Variants in MNAT1 observed in about 807,000 individuals in gnomAD.
The protein encoded by MNAT1 is MNAT1 component of CDK activating kinase.
MNAT1 carries 43 observed loss-of-function variants against 42.0 expected under a neutral mutation model. That is an observed-to-expected ratio of 1.02 (90% confidence interval 0.80 to 1.32). The LOEUF is 1.32. Ranked by LOEUF, MNAT1 falls within the 40% of genes most tolerant of loss-of-function variation. MNAT1 has a pLI of 0.00. For synonymous variants in MNAT1, 118 were observed against 120.0 expected (o/e 0.98, Z 0.11); for missense variants, 306 against 350.4 (o/e 0.87, Z 1.01).
intron 6 of MNAT1, among the ~76,000 whole-genome samples, chr14:60,869,130 C>A (rs1202553338): frequency 1.3e-5 from 2 of 149,328 alleles, no homozygotes; most frequent in African/African-American, 2.5e-5. Flanking sequence ...CCTCCACCTC[C>A]CGGGTTCAAG....
chr14:60,868,474 A>G (rs1260355450), intron 6 of MNAT1, among the ~76,000 whole-genome samples: 1 of 152,200 alleles, frequency 6.6e-6, no homozygotes, highest in Non-Finnish European at 1.5e-5. Context: ...AATTTGACAG[A>G]TTTAACATTG....
chr14:60,738,264 T>C (rs888845722), intron 1 of MNAT1, among the ~76,000 whole-genome samples: 15 of 148,652 alleles, frequency 1.0e-4, no homozygotes, highest in Non-Finnish European at 1.6e-4. Flanking sequence ...TTTTTTTTTT[T>C]TTTTTTTTTG....
intron 7 of MNAT1, among the ~76,000 whole-genome samples, chr14:60,931,904 G>A (rs971008212): frequency 2.6e-5 from 4 of 151,626 alleles, no homozygotes; most frequent in African/African-American, 7.3e-5. Flanking sequence ...TAGATACTGA[G>A]CCTACTTTTT....
At chr14:60,819,163 G>A (rs2032806456) in intron 6 of MNAT1, among the ~76,000 whole-genome samples, 1 of 152,042 alleles carries the variant, frequency 6.6e-6, no homozygotes. Flanking sequence ...CTGCAGATAT[G>A]AAATGGGAAA....
At chr14:60,865,291 C>G (rs986247414) in intron 6 of MNAT1, among the ~76,000 whole-genome samples, 1 of 151,920 alleles carries the variant, frequency 6.6e-6, no homozygotes, top group African/African-American at 2.4e-5. Flanking sequence ...AAAGCCATTT[C>G]TATATTACAT....
Position 60,967,147 on chromosome 14 carries a change from T to C in MNAT1, c.810-1082T>C, listed in dbSNP as rs906604619. Among the ~76,000 whole-genome samples the C allele has an allele frequency of 2.1e-4, 32 of 152,306 alleles. 1 individual carries two copies. Among genetic ancestry groups the C allele is most frequent in the Middle Eastern group, 3.4e-3 (1 of 294 alleles). ...AGCTGCATCCTACCTTGACCCATTT[T>C]TTCTACTGGACTCTTATATTGCTCT... On this transcript the variant is annotated intron_variant, in intron 7 of 7. Transcript: ENST00000261245.
At chr14:60,938,693 C>CT (rs1038311233) in intron 7 of MNAT1, among the ~76,000 whole-genome samples, 2 of 152,036 alleles carry the variant, frequency 1.3e-5, no homozygotes, top group Non-Finnish European at 2.9e-5. Context: ...CTAAAATTCT[C>CT]TTTTTTTGTT....
chr14:60,854,233 T>C (rs1221655297), intron 6 of MNAT1, among the ~76,000 whole-genome samples: 1 of 152,192 alleles, frequency 6.6e-6, no homozygotes, highest in Non-Finnish European at 1.5e-5. Flanking sequence ...CTTTCTTGCA[T>C]TGAGTTAGAA....
intron 7 of MNAT1, among the ~76,000 whole-genome samples, chr14:60,934,417 G>A (rs1037215043): frequency 1.3e-5 from 2 of 152,080 alleles, no homozygotes; most frequent in African/African-American, 4.8e-5. Flanking sequence ...GGCTGTGTCC[G>A]CACCCAAATC....
At chr14:60,894,740 ATATT>A (rs1435976796) in intron 7 of MNAT1, among the ~76,000 whole-genome samples, 2 of 152,070 alleles carry the variant, frequency 1.3e-5, no homozygotes, top group African/African-American at 4.8e-5. Context: ...CAAGCATTGA[ATATT>A]TATAATACAA....
chr14:60,809,724 T>C (rs2032485645), intron 4 of MNAT1, among the ~76,000 whole-genome samples: 1 of 152,174 alleles, frequency 6.6e-6, no homozygotes, highest in Non-Finnish European at 1.5e-5. Context: ...TTATGTTGTA[T>C]GATCCTTTTA....
chr14:60,826,104 TTCAG>T lies in MNAT1; in HGVS notation c.687+7267_687+7270del, dbSNP rs369739765. ...TTATTATATATTCACATAGGTAGGG[TTCAG>T]TCAGTCAGTGAACATATTTTGATTA... On this transcript the variant is annotated intron_variant, in intron 6 of 7. Coordinates refer to ENST00000261245, the MANE Select transcript of MNAT1 (RefSeq NM_002431.4). Among the ~76,000 whole-genome samples, 179 of 152,074 alleles carry T rather than the reference TTCAG, an allele frequency of 1.2e-3. 7 individuals carry two copies. The East Asian group carries it at 0.031, about 26-fold the overall frequency.
intron 7 of MNAT1, among the ~76,000 whole-genome samples, chr14:60,916,727 G>A (rs2035523370): frequency 6.6e-6 from 1 of 152,186 alleles, no homozygotes; most frequent in African/African-American, 2.4e-5. Flanking sequence ...GGAGGCAGGC[G>A]AACTGCCTGA....
chr14:60,889,737 A>G (rs2034787343), intron 7 of MNAT1, among the ~76,000 whole-genome samples: 1 of 152,186 alleles, frequency 6.6e-6, no homozygotes, highest in Admixed American at 6.5e-5. Context: ...TCTACAATGA[A>G]CTCAAACAAA....
At chr14:60,876,353 G>A (rs1236944886) in intron 6 of MNAT1, among the ~76,000 whole-genome samples, 1 of 151,932 alleles carries the variant, frequency 6.6e-6, no homozygotes, top group Non-Finnish European at 1.5e-5. Flanking sequence ...TTTTTCCTGT[G>A]TATTTTAATT....
chr14:60,793,529 AT>A (rs962685997), intron 1 of MNAT1, among the ~76,000 whole-genome samples: 1 of 151,542 alleles, frequency 6.6e-6, no homozygotes, highest in Non-Finnish European at 1.5e-5. Flanking sequence ...CATCTAGCTA[AT>A]TTTTTTTAAA....
chr14:60,855,593 A>G (rs762127107), intron 6 of MNAT1, among the ~76,000 whole-genome samples: 2 of 152,122 alleles, frequency 1.3e-5, no homozygotes, highest in African/African-American at 2.4e-5. Context: ...GGGTGGAGCG[A>G]TGCCCCACCC....
chr14:60,959,987 G>A (rs11850260), intron 7 of MNAT1, among the ~76,000 whole-genome samples: 3,359 of 127,866 alleles, frequency 0.026, 145 homozygotes, highest in African/African-American at 0.094. Context: ...GTACATAGCT[G>A]TAACTTATTT....
At chr14:60,887,897 G>A (rs1187563476) in intron 7 of MNAT1, among the ~76,000 whole-genome samples, 2 of 151,460 alleles carry the variant, frequency 1.3e-5, no homozygotes, top group African/African-American at 4.9e-5. Context: ...GACTAAACCA[G>A]GAAGAAGTTG....
Sources: allele counts gnomAD v4.1 joint callset (sites outside exome capture counted in the v4.1 genomes callset), GRCh38; gene constraint gnomAD v4.1.1; transcripts MANE v1.5; gene names NCBI Gene and HGNC (gene_info 2026-07-23, HGNC 2026-07-21).